The following C3orf52 variants were observed in gnomAD, a reference collection of about 807,000 sequenced individuals.
The protein encoded by C3orf52 is chromosome 3 open reading frame 52.
A neutral mutation model predicts 24.8 loss-of-function variants in C3orf52; 22 were observed. The ratio of observed to expected loss-of-function variants is 0.89; its 90% CI spans 0.63 to 1.27. The LOEUF is 1.27. Ranked by LOEUF, C3orf52 falls within the 50% of genes most tolerant of loss-of-function variation. The pLI, the probability that C3orf52 is intolerant of heterozygous loss-of-function variation, is 0.00. For missense variants in C3orf52, 265 were observed against 260.7 expected (o/e 1.02, Z -0.11); for synonymous variants, 93 against 100.2 (o/e 0.93, Z 0.43).
At chr3:112,122,913 C>A (rs888886091), downstream of C3orf52, 2 of 154,562 alleles carry the variant, frequency 1.3e-5, no homozygotes. Flanking sequence ...ACTCACATAA[C>A]TAACCAGACC....
At chr3:112,105,570 G>GTGTGTGTGTGT (rs199579112) in intron 3 of C3orf52, among the ~76,000 whole-genome samples, 1 of 133,950 alleles carries the variant, frequency 7.5e-6, no homozygotes, top group African/African-American at 2.7e-5. Flanking sequence ...GTGTGTGTGT[G>GTGTGTGTGTGT]TTTTCCACAC....
chr3:112,113,222 C>T (rs947456652), intron 5 of C3orf52, 77 bp downstream of exon 5: 62 of 1,180,322 alleles, frequency 5.3e-5, no homozygotes, highest in South Asian at 3.7e-4. Context: ...TGGCTTGGTT[C>T]GATTTGGCAA....
chr3:112,099,500 G>A (rs2073953576), intron 2 of C3orf52, among the ~76,000 whole-genome samples: 1 of 152,122 alleles, frequency 6.6e-6, no homozygotes, highest in South Asian at 2.1e-4. Context: ...AAATGTAAAG[G>A]ATTTCGGAAT....
rs2074155536 is a variant in C3orf52 at position 112,118,129 on chromosome 3, A to AT, written c.*1486dup. 6.6e-6 allele frequency: 1 copy of AT among 152,208 alleles called. No homozygotes were observed. Among genetic ancestry groups the AT allele is most frequent in the Non-Finnish European group, 1.5e-5 (1 of 68,040 alleles). The allele number at this position is 152,208 out of a possible 1,614,324, so 9.4% of individuals were successfully genotyped here. Reference sequence around the variant, plus strand: ...GCATGTTAAATGTGAACCTTAGTGTATTTGTATTTTGTAGAAAATAATGAA... The same window carrying AT: ...GCATGTTAAATGTGAACCTTAGTGTATTTTGTATTTTGTAGAAAATAATGAA... On this transcript the variant is annotated 3_prime_UTR_variant, in exon 6 of 6. Coordinates refer to ENST00000264848, the MANE Select transcript of C3orf52 (RefSeq NM_024616.3).
chr3:112,088,401 C>A (rs1482344518), intron 1 of C3orf52, among the ~76,000 whole-genome samples: 1 of 152,212 alleles, frequency 6.6e-6, no homozygotes, highest in Non-Finnish European at 1.5e-5. Context: ...TGAAATGTAG[C>A]TGAAGTCCAT....
At chr3:112,106,044 A>G (rs2107784495) in intron 3 of C3orf52, among the ~76,000 whole-genome samples, 1 of 152,268 alleles carries the variant, frequency 6.6e-6, no homozygotes, top group Non-Finnish European at 1.5e-5. Context: ...TAGGGCGGAC[A>G]CGTGGGACAG....
chr3:112,108,623 G>C (rs1576145707), intron 3 of C3orf52, among the ~76,000 whole-genome samples: 1 of 152,184 alleles, frequency 6.6e-6, no homozygotes, highest in African/African-American at 2.4e-5. Flanking sequence ...CTCATTTAAA[G>C]GAATCTGTGC....
At chr3:112,112,036 A>C (rs1368381112) in intron 4 of C3orf52, 3 of 152,208 alleles carry the variant, frequency 2.0e-5, no homozygotes, top group Non-Finnish European at 2.9e-5. Context: ...GGCCTGATTC[A>C]CACTAATGGG....
intron 4 of C3orf52, among the ~76,000 whole-genome samples, chr3:112,126,581 G>A (rs553788197): frequency 6.6e-5 from 10 of 152,170 alleles, no homozygotes; most frequent in South Asian, 2.1e-4. Flanking sequence ...ACTTGCCCCC[G>A]CCTCCCCACT....
chr3:112,097,819 A>G (rs2073939026), intron 2 of C3orf52, among the ~76,000 whole-genome samples: 1 of 152,196 alleles, frequency 6.6e-6, no homozygotes, highest in Admixed American at 6.5e-5. Flanking sequence ...AATATCTTTC[A>G]GCTTCCTCTG....
At chr3:112,091,914 G>A (rs2073881016) in intron 1 of C3orf52, among the ~76,000 whole-genome samples, 1 of 152,056 alleles carries the variant, frequency 6.6e-6, no homozygotes, top group Admixed American at 6.5e-5. Flanking sequence ...TGAGGCAGGA[G>A]AATGGCGTGA....
At chr3:112,123,331 G>C in intron 4 of C3orf52, 1 of 1,492,504 alleles carries the variant, frequency 6.7e-7, no homozygotes, top group East Asian at 2.3e-5. Flanking sequence ...ACCATGCTCT[G>C]CAGGGAAAGG....
At chr3:112,086,927 C>T (rs1290983211) in intron 1 of C3orf52, among the ~76,000 whole-genome samples, 1 of 152,114 alleles carries the variant, frequency 6.6e-6, no homozygotes, top group East Asian at 1.9e-4. Flanking sequence ...GAGTATCCTC[C>T]TTCTCTCAGA....
intron 4 of C3orf52, chr3:112,125,118 C>T: frequency 1.3e-6 from 1 of 763,812 alleles, no homozygotes. Flanking sequence ...TAAAGTCTTT[C>T]TCCATGTAAG....
intron 5 of C3orf52, among the ~76,000 whole-genome samples, chr3:112,116,424 A>G (rs2074133694): frequency 6.6e-6 from 1 of 152,208 alleles, no homozygotes; most frequent in African/African-American, 2.4e-5. Context: ...CCAAACAAAT[A>G]AGCAAGAAAC....
chr3:112,112,584 GA>G (rs2074093815), intron 4 of C3orf52: 1 of 255,828 alleles, frequency 3.9e-6, no homozygotes, highest in Non-Finnish European at 7.8e-6. Context: ...TGTGTGTGGA[GA>G]AAAGGGGAGG....
chr3:112,121,052 T>C (rs554926488), downstream of C3orf52: 3 of 152,316 alleles, frequency 2.0e-5, no homozygotes, highest in Admixed American at 6.5e-5. Flanking sequence ...ATCCCTCTTA[T>C]AATTCCCTCT....
intron 4 of C3orf52, among the ~76,000 whole-genome samples, chr3:112,124,791 A>G (rs1388522840): frequency 6.6e-6 from 1 of 152,182 alleles, no homozygotes. Flanking sequence ...GGGGAAAAGC[A>G]TGGATTGTGA....
At chr3:112,113,708 T>A (rs1049801097) in intron 5 of C3orf52, among the ~76,000 whole-genome samples, 1 of 152,310 alleles carries the variant, frequency 6.6e-6, no homozygotes, top group African/African-American at 2.4e-5. Context: ...CTTTTAAAAT[T>A]AAGAACAGAA....
Sources: gnomAD v4.1 joint callset for allele counts (sites outside exome capture counted in the v4.1 genomes callset) on GRCh38, gnomAD v4.1.1 for gene constraint, MANE v1.5 for transcripts, NCBI Gene and HGNC (gene_info 2026-07-23, HGNC 2026-07-21) for gene names.